The following GRID2 variants were observed in gnomAD, a reference collection of about 807,000 sequenced individuals.
GRID2 encodes glutamate receptor ionotropic, delta-2.
GRID2 carries 33 observed loss-of-function variants against 114.8 expected under a neutral mutation model. That is an observed-to-expected ratio of 0.29 (90% CI 0.22 to 0.38). The LOEUF (loss-of-function observed/expected upper bound fraction) is 0.38, where lower values mean the gene tolerates loss of function less well. Among genes scored for constraint, GRID2 ranks in the 10% least tolerant of loss-of-function variants. The probability of loss-of-function intolerance (pLI) is 1.00; values close to 1 mark genes in which losing one functional copy is unlikely to be tolerated. For synonymous variants in GRID2, 505 were observed against 449.9 expected (o/e 1.12, Z -1.55); for missense variants, 1,184 against 1,257.7 (o/e 0.94, Z 0.89).
chr4:93,671,411 T>A (rs11725747), intron 14 of GRID2, among the ~76,000 whole-genome samples: 3 of 151,876 alleles, frequency 2.0e-5, no homozygotes, highest in South Asian at 2.1e-4. Context: ...TATAGAAGCC[T>A]GTTGCAAACT....
At chr4:93,030,766 AAAAACTTTAAACAGAAACAAGG>A (rs1724339428) in intron 2 of GRID2, among the ~76,000 whole-genome samples, 1 of 152,034 alleles carries the variant, frequency 6.6e-6, no homozygotes, top group South Asian at 2.1e-4. Flanking sequence ...TATAAAATGA[AAAAACTTTAAACAGAAACAAGG>A]AGAGGGAGAG....
chr4:92,464,207 A>G (rs1343680331), intron 1 of GRID2, among the ~76,000 whole-genome samples: 1 of 152,064 alleles, frequency 6.6e-6, no homozygotes, highest in African/African-American at 2.4e-5. Flanking sequence ...AAAGAATGAG[A>G]AAGATAGTGG....
chr4:92,640,701 A>C (rs1329531997), intron 2 of GRID2, among the ~76,000 whole-genome samples: 1 of 152,026 alleles, frequency 6.6e-6, no homozygotes. Context: ...AAAAAGAGTT[A>C]AGATTTTTCT....
intron 2 of GRID2, among the ~76,000 whole-genome samples, chr4:92,748,721 G>C (rs1482154764): frequency 2.0e-5 from 3 of 150,002 alleles, no homozygotes; most frequent in Non-Finnish European, 4.4e-5. Context: ...GAGTGCAGTG[G>C]TGTGATCTCA....
chr4:92,447,509 T>C (rs963690447), intron 1 of GRID2, among the ~76,000 whole-genome samples: 4 of 152,204 alleles, frequency 2.6e-5, no homozygotes, highest in Non-Finnish European at 5.9e-5. Context: ...GCCCACACAG[T>C]TCTATTATTT....
chr4:92,626,277 C>G (rs1730517278), intron 2 of GRID2, among the ~76,000 whole-genome samples: 1 of 151,772 alleles, frequency 6.6e-6, no homozygotes. Flanking sequence ...TAACCTTTAA[C>G]AAGGTTTTAA....
At chr4:92,489,711 T>C (rs1579455286) in intron 1 of GRID2, among the ~76,000 whole-genome samples, 1 of 151,902 alleles carries the variant, frequency 6.6e-6, no homozygotes, top group South Asian at 2.1e-4. Flanking sequence ...CAAGCGGTGG[T>C]GGTGCGCGCC....
chr4:93,454,275 G>C (rs938690830), intron 10 of GRID2, among the ~76,000 whole-genome samples: 6 of 151,998 alleles, frequency 3.9e-5, no homozygotes, highest in Non-Finnish European at 7.4e-5. Context: ...CAATTACCCT[G>C]AGTGCCTACT....
intron 8 of GRID2, among the ~76,000 whole-genome samples, chr4:93,283,938 G>T (rs1484201170): frequency 6.6e-6 from 1 of 152,024 alleles, no homozygotes; most frequent in East Asian, 1.9e-4. Context: ...AATATTGTGT[G>T]TCATAGAAGT....
chr4:92,700,092 A>G (rs1436098605), intron 2 of GRID2, among the ~76,000 whole-genome samples: 3 of 152,210 alleles, frequency 2.0e-5, no homozygotes, highest in Non-Finnish European at 4.4e-5. Flanking sequence ...AGTGTAAAAA[A>G]TAATACATGG....
intron 2 of GRID2, among the ~76,000 whole-genome samples, chr4:92,703,597 TAATAA>T (rs1446593414): frequency 3.7e-5 from 5 of 136,812 alleles, no homozygotes; most frequent in African/African-American, 1.4e-4. Flanking sequence ...GACTCTTCAT[TAATAA>T]AATGAGGAAA....
At position 93,413,607 on chromosome 4, in the gene GRID2, T is replaced by C. The variant is rs568667952; in HGVS notation, c.1348-9164T>C. ...GTCAGATAAGCAATAAATTAAATAGTTCTTGTTATTTTAATTTGTATTCCC... is the reference window on the plus strand; with the variant it reads ...GTCAGATAAGCAATAAATTAAATAGCTCTTGTTATTTTAATTTGTATTCCC... On this transcript the variant is annotated intron_variant, in intron 9 of 15. Transcript: ENST00000282020. Among the ~76,000 whole-genome samples, 153 of 152,276 alleles carry C rather than the reference T, an allele frequency of 1.0e-3. 1 individual carries two copies. The highest frequency in any genetic ancestry group is 3.6e-3 in the African/African-American group (150 of 41,562).
intron 13 of GRID2, among the ~76,000 whole-genome samples, chr4:93,606,326 T>G (rs942060198): frequency 2.6e-5 from 4 of 151,716 alleles, no homozygotes; most frequent in Admixed American, 6.6e-5. Flanking sequence ...AGGAAAACAC[T>G]CCAAGCAAAA....
rs114182664 is a variant in GRID2 at position 93,027,267 on chromosome 4, G to A, written c.245-57728G>A. Among the ~76,000 whole-genome samples, 729 of 152,120 alleles carry A rather than the reference G, an allele frequency of 4.8e-3. 8 individuals carry two copies. The highest frequency in any genetic ancestry group is 0.017 in the African/African-American group (701 of 41,558). On this transcript the variant is annotated intron_variant, in intron 2 of 15. Transcript: ENST00000282020. ...TTTTTAGGGTCAATATGCCTGGTGT[G>A]ATGGTTTGTTTCACTGATGCATAGC...
At chr4:92,608,416 C>T (rs1160168292) in intron 2 of GRID2, among the ~76,000 whole-genome samples, 1 of 151,792 alleles carries the variant, frequency 6.6e-6, no homozygotes, top group African/African-American at 2.4e-5. Flanking sequence ...AGGTACAATG[C>T]CTCCACTGTG....
At chr4:93,096,247 CTTAGAA>C (rs1731217446) in intron 3 of GRID2, among the ~76,000 whole-genome samples, 1 of 151,932 alleles carries the variant, frequency 6.6e-6, no homozygotes, top group Admixed American at 6.6e-5. Context: ...AAACTAAAAC[CTTAGAA>C]TTAGAACTCT....
intron 1 of GRID2, among the ~76,000 whole-genome samples, chr4:92,453,660 A>G (rs200546786): frequency 2.0e-5 from 3 of 152,286 alleles, no homozygotes; most frequent in East Asian, 3.9e-4. Context: ...GATGCGTAAT[A>G]TTACCTAGGA....
At chr4:93,486,063 A>G (rs1726373765) in intron 11 of GRID2, among the ~76,000 whole-genome samples, 1 of 151,702 alleles carries the variant, frequency 6.6e-6, no homozygotes, top group Admixed American at 6.6e-5. Flanking sequence ...TTTTTCATGT[A>G]GAGGTCTCTC....
intron 13 of GRID2, among the ~76,000 whole-genome samples, chr4:93,616,370 C>A (rs1472802301): frequency 1.3e-5 from 2 of 151,590 alleles, no homozygotes; most frequent in Admixed American, 6.6e-5. Flanking sequence ...ATTGCAAAAC[C>A]CTGTCTCTAC....
Sources: allele counts gnomAD v4.1 joint callset (sites outside exome capture counted in the v4.1 genomes callset), GRCh38; gene constraint gnomAD v4.1.1; transcripts MANE v1.5; gene names NCBI Gene and HGNC (gene_info 2026-07-23, HGNC 2026-07-21).